The following GARRE1 variants were observed in gnomAD, a reference collection of about 807,000 sequenced individuals.
The protein encoded by GARRE1 is granule associated Rac and RHOG effector protein 1.
A neutral mutation model predicts 103.2 loss-of-function variants in GARRE1; 49 were observed. The ratio of observed to expected loss-of-function variants is 0.47; its 90% CI spans 0.38 to 0.60. The LOEUF (loss-of-function observed/expected upper bound fraction) is 0.60. GARRE1 is among the 20% of genes least tolerant of loss of function. The pLI is 0.00. For missense variants in GARRE1, 1,199 were observed against 1,370.5 expected, an observed-to-expected ratio of 0.87 and a Z score of 1.98; for synonymous variants, 505 against 532.8, an observed-to-expected ratio of 0.95 and a Z score of 0.72.
intron 2 of GARRE1, among the ~76,000 whole-genome samples, chr19:34,307,912 T>G (rs549423193): frequency 8.0e-5 from 12 of 150,652 alleles, no homozygotes; most frequent in African/African-American, 2.9e-4. Context: ...TTCCCGCGTA[T>G]CTGAGACTGC....
rs1274584465 is a variant in GARRE1, at chr19:34,353,032, C to T, written c.*77C>T. ...GGGATGAGTGTCCCCACCCCAGGGC[C>T]ACTTAGCTGACACCAGCCCCTCAGA... On this transcript the variant is annotated 3_prime_UTR_variant, in exon 14 of 14. Transcript: ENST00000299505. 3.0e-6 allele frequency: 4 copies of T among 1,334,698 alleles called. No individual in the cohort carries two copies. Among genetic ancestry groups the T allele is most frequent in the Admixed American group, 4.9e-5 (2 of 40,596 alleles). 82.7% of individuals were successfully genotyped at this position (1,334,698 alleles called of 1,614,324 possible).
At chr19:34,266,035 G>A (rs2073749284) in intron 1 of GARRE1, among the ~76,000 whole-genome samples, 2 of 152,302 alleles carry the variant, frequency 1.3e-5, no homozygotes, top group South Asian at 4.2e-4. Context: ...AAGGGCCTGA[G>A]CATTTTCTCC....
chr19:34,257,666 G>A (rs2073683054), intron 1 of GARRE1, among the ~76,000 whole-genome samples: 1 of 152,162 alleles, frequency 6.6e-6, no homozygotes, highest in Non-Finnish European at 1.5e-5. Context: ...GAGCCTGAAT[G>A]TTGTGTTTGG....
In GARRE1 at chr19:34,307,175, G is replaced by A. The variant is rs76852936; in HGVS notation, c.495+6207G>A. On this transcript the variant is annotated intron_variant, in intron 2 of 13. Coordinates refer to ENST00000299505, the MANE Select transcript of GARRE1 (RefSeq NM_014686.5). Reference sequence around the variant, plus strand: ...GTAAAGAGGGGCCACTCTGGTGTCTGTTCTGAGTAGCCAGGTAGGAGGCAA... The same window carrying A: ...GTAAAGAGGGGCCACTCTGGTGTCTATTCTGAGTAGCCAGGTAGGAGGCAA... 3.7e-3 allele frequency among the ~76,000 whole-genome samples: 569 copies of A among 152,260 alleles called. 3 individuals are homozygous for A. The highest frequency in any genetic ancestry group is 0.013 in the African/African-American group (538 of 41,552).
At chr19:34,311,116 C>G (rs1159227216) in intron 2 of GARRE1, among the ~76,000 whole-genome samples, 1 of 152,130 alleles carries the variant, frequency 6.6e-6, no homozygotes, top group Non-Finnish European at 1.5e-5. Flanking sequence ...TCTCAGCTTC[C>G]CAACTATCTG....
chr19:34,330,931 G>A lies in GARRE1; in HGVS notation c.1263+584G>A, dbSNP rs545535645. On this transcript the variant is annotated intron_variant, in intron 7 of 13. Coordinates refer to ENST00000299505, the MANE Select transcript of GARRE1 (RefSeq NM_014686.5). Reference sequence around the variant, plus strand: ...TTTTTTTTTTTTGAGATGGAGTCTCGCTGTGTTGCACAGGCTGGAGTGCAG... The same window carrying A: ...TTTTTTTTTTTTGAGATGGAGTCTCACTGTGTTGCACAGGCTGGAGTGCAG... Among the ~76,000 whole-genome samples the A allele has an allele frequency of 1.0e-4, 15 of 147,532 alleles. No individual in the cohort carries two copies. In the South Asian group the frequency reaches 1.5e-3, roughly 15 times the overall value.
At chr19:34,348,890 G>A in intron 11 of GARRE1, 126 bp from the exon 12 acceptor site, 2 of 1,065,258 alleles carry the variant, frequency 1.9e-6, no homozygotes, top group African/African-American at 1.6e-5. Flanking sequence ...GTTTTAAGAA[G>A]GGAGAGACAA....
At chr19:34,309,455 G>A (rs1220382365) in intron 2 of GARRE1, among the ~76,000 whole-genome samples, 2 of 152,178 alleles carry the variant, frequency 1.3e-5, no homozygotes, top group Non-Finnish European at 2.9e-5. Flanking sequence ...AGATGGGGAA[G>A]GATAGATGGT....
intron 1 of GARRE1, among the ~76,000 whole-genome samples, chr19:34,298,204 T>C (rs1273138486): frequency 6.6e-6 from 1 of 152,030 alleles, no homozygotes; most frequent in African/African-American, 2.4e-5. Context: ...TCACTTGAGC[T>C]CAGGAGTTTG....
Position 34,330,320 on chromosome 19 carries a change from G to A in GARRE1, c.1236G>A (p.Val412=). The change falls in exon 7 of 14, where the codon GTG becomes GTA. Residue 412 remains valine, a synonymous_variant. Transcript: ENST00000299505. ...GGCGAGGTGCCTGCAAGACGGCGGT[G>A]CAGCTGCTGTTTGGCCAGGCTGGAC... ...STWRGACKTA[V]QLLFGQAGLV... is the part of the protein sequence containing the mutation. 6.2e-7 allele frequency: 1 copy of A among 1,614,240 alleles called. No homozygotes were observed. The highest frequency in any genetic ancestry group is 8.5e-7 in the Non-Finnish European group (1 of 1,180,038).
intron 6 of GARRE1, 113 bp downstream of exon 6, chr19:34,328,264 G>C (rs2074121613): frequency 8.3e-7 from 1 of 1,207,312 alleles, no homozygotes; most frequent in African/African-American, 1.5e-5. Context: ...GGCCGGGCGT[G>C]GTGGCTCACG....
chr19:34,342,336 T>C lies in GARRE1; in HGVS notation c.2402T>C (p.Val801Ala). ...CTGGTGAGCAGCTATATGGATAATG[T>C]GATGTCAGAGGTTCTGGGACAGAAG... is the stretch of plus-strand genomic sequence containing the variant. The part of the protein sequence containing the change: ...LGLVSSYMDN[V>A]MSEVLGQKPQ... The change falls in exon 10 of 14, where the codon GTG becomes GCG. Residue 801 changes from valine to alanine, a missense_variant. Transcript: ENST00000299505. 6.2e-7 allele frequency: 1 copy of C among 1,614,130 alleles called. No homozygotes were observed. The highest frequency in any genetic ancestry group is 1.3e-5 in the African/African-American group (1 of 75,016).
intron 1 of GARRE1, among the ~76,000 whole-genome samples, chr19:34,288,721 GGTATGA>G (rs921849040): frequency 2.3e-4 from 35 of 152,314 alleles, no homozygotes; most frequent in African/African-American, 7.9e-4. Flanking sequence ...TTAAAGAGTG[GGTATGA>G]GTTTTGACTT....
At chr19:34,271,550 T>G (rs2073788137) in intron 1 of GARRE1, among the ~76,000 whole-genome samples, 1 of 152,096 alleles carries the variant, frequency 6.6e-6, no homozygotes, top group Admixed American at 6.6e-5. Flanking sequence ...GCCCGGCCCC[T>G]TCTGTGCACT....
chr19:34,321,510 A>G (rs1186361886), intron 3 of GARRE1, among the ~76,000 whole-genome samples: 1 of 151,260 alleles, frequency 6.6e-6, no homozygotes, highest in Admixed American at 6.6e-5. Flanking sequence ...GCTGGAGTGC[A>G]GTGGCACGAT....
At position 34,285,584 on chromosome 19, in the gene GARRE1, C is replaced by A. The variant is rs540797556; in HGVS notation, c.-795-14095C>A. 1.2e-4 allele frequency among the ~76,000 whole-genome samples: 19 copies of A among 152,224 alleles called. No homozygotes were observed. In the South Asian group the frequency reaches 3.3e-3, roughly 27 times the overall value. ...GTTGCAGTGAGCCGAGATCGCACCACTGCACTCCAGCCTGGGCAACAGAGT... is the reference window on the plus strand; with the variant it reads ...GTTGCAGTGAGCCGAGATCGCACCAATGCACTCCAGCCTGGGCAACAGAGT... On this transcript the variant is annotated intron_variant, in intron 1 of 13. Coordinates refer to ENST00000299505, the MANE Select transcript of GARRE1 (RefSeq NM_014686.5).
At chr19:34,258,755 A>G (rs1300070612) in intron 1 of GARRE1, among the ~76,000 whole-genome samples, 2 of 151,660 alleles carry the variant, frequency 1.3e-5, no homozygotes, top group African/African-American at 4.8e-5. Flanking sequence ...GTGCCACTGC[A>G]CTCCAGCCTG....
In GARRE1 at chr19:34,341,890, T is replaced by C. The variant is rs767048204; in HGVS notation, c.1956T>C (p.Phe652=). 11 of 1,614,060 alleles carry C rather than the reference T, an allele frequency of 6.8e-6. No individual in the cohort carries two copies. Among genetic ancestry groups the C allele is most frequent in the Non-Finnish European group, 8.5e-7 (1 of 1,180,046 alleles). The change falls in exon 10 of 14, where the codon TTT becomes TTC. Residue 652 remains phenylalanine, a synonymous_variant. Transcript: ENST00000299505. ...TDQEMQEVID[F]LSGFNMGQSH... Reference sequence around the variant, plus strand: ...AGGAAATGCAAGAGGTGATAGATTTTCTCTCGGGCTTTAACATGGGCCAGT... The same window carrying C: ...AGGAAATGCAAGAGGTGATAGATTTCCTCTCGGGCTTTAACATGGGCCAGT...
At chr19:34,320,620 A>G (rs1242842895) in intron 3 of GARRE1, among the ~76,000 whole-genome samples, 3 of 152,218 alleles carry the variant, frequency 2.0e-5, no homozygotes, top group Admixed American at 6.5e-5. Flanking sequence ...GCGAGAGCTC[A>G]GTGGACACAG....
Sources: gnomAD v4.1 joint callset for allele counts (sites outside exome capture counted in the v4.1 genomes callset) on GRCh38, gnomAD v4.1.1 for gene constraint, MANE v1.5 for transcripts, NCBI Gene and HGNC (gene_info 2026-07-23, HGNC 2026-07-21) for gene names.